MAGI2: variants seen among roughly 807,000 people sequenced by gnomAD.
MAGI2 encodes membrane associated guanylate kinase, WW and PDZ domain containing 2, also known as membrane-associated guanylate kinase, WW and PDZ domain-containing protein 2.
MAGI2 carries 35 observed loss-of-function variants against 133.3 expected under a neutral mutation model. The observed-to-expected ratio is 0.26, with a 90% CI of 0.20 to 0.35. The LOEUF (loss-of-function observed/expected upper bound fraction) is 0.35. MAGI2 is among the 10% of genes least tolerant of loss of function. The pLI is 1.00. For missense variants in MAGI2, 1,636 were observed against 1,863.4 expected (o/e 0.88, Z 2.25); for synonymous variants, 729 against 710.6 (o/e 1.03, Z -0.41).
chr7:78,325,408 G>A (rs1788483143), intron 9 of MAGI2, among the ~76,000 whole-genome samples: 1 of 152,112 alleles, frequency 6.6e-6, no homozygotes, highest in Non-Finnish European at 1.5e-5. Flanking sequence ...TGACTTAAGA[G>A]ATATTAAAGC....
At chr7:78,242,152 G>A (rs750618779) in intron 10 of MAGI2, among the ~76,000 whole-genome samples, 6 of 152,202 alleles carry the variant, frequency 3.9e-5, no homozygotes, top group Non-Finnish European at 7.3e-5. Context: ...CTAGAACTGA[G>A]TTCTGGCCAA....
At chr7:78,382,488 C>T (rs548050382) in intron 6 of MAGI2, among the ~76,000 whole-genome samples, 6 of 152,126 alleles carry the variant, frequency 3.9e-5, no homozygotes, top group Admixed American at 1.3e-4. Context: ...AGGGTTTCAT[C>T]GTACAGCAAC....
chr7:78,647,321 G>C (rs1284033924), intron 2 of MAGI2, among the ~76,000 whole-genome samples: 3 of 152,040 alleles, frequency 2.0e-5, no homozygotes, highest in African/African-American at 7.2e-5. Flanking sequence ...AACCCCATCA[G>C]AAAGTGGGCA....
chr7:78,961,246 G>A (rs528200228), intron 2 of MAGI2, among the ~76,000 whole-genome samples: 3 of 152,064 alleles, frequency 2.0e-5, no homozygotes, highest in Admixed American at 6.6e-5. Flanking sequence ...TTTCCATTAC[G>A]TGATATAAAT....
intron 2 of MAGI2, among the ~76,000 whole-genome samples, chr7:78,992,212 A>G (rs752289448): frequency 7.9e-5 from 12 of 152,022 alleles, no homozygotes; most frequent in African/African-American, 2.4e-4. Context: ...AGTCAGTTGT[A>G]TGTATTCTGT....
intron 1 of MAGI2, among the ~76,000 whole-genome samples, chr7:79,128,369 A>G (rs1251732861): frequency 6.6e-6 from 1 of 152,224 alleles, no homozygotes; most frequent in East Asian, 1.9e-4. Context: ...CAAACAAAGT[A>G]GTGTGTTTTT....
At chr7:78,541,977 T>C (rs537188895) in intron 3 of MAGI2, among the ~76,000 whole-genome samples, 20 of 152,304 alleles carry the variant, frequency 1.3e-4, no homozygotes, top group Admixed American at 1.3e-3. Context: ...GAGTAAATAT[T>C]TTAGGCATTT....
At chr7:79,322,649 A>G (rs10241692) in intron 1 of MAGI2, among the ~76,000 whole-genome samples, 103,044 of 151,684 alleles carry the variant, frequency 0.68, 35,372 homozygotes, top group Non-Finnish European at 0.71. Flanking sequence ...GCCGGGCCAT[A>G]GTTGTGCACG....
At chr7:78,727,832 T>C (rs1437861099) in intron 2 of MAGI2, among the ~76,000 whole-genome samples, 2 of 152,212 alleles carry the variant, frequency 1.3e-5, no homozygotes, top group Non-Finnish European at 2.9e-5. Flanking sequence ...AAGAGGCATA[T>C]ATGGACCAGT....
intron 2 of MAGI2, among the ~76,000 whole-genome samples, chr7:79,002,704 T>C (rs1013964151): frequency 2.0e-5 from 3 of 152,086 alleles, no homozygotes; most frequent in Admixed American, 6.6e-5. Flanking sequence ...TCTCCAAACA[T>C]TTCCATTGAG....
chr7:78,849,395 T>G (rs1256169887), intron 2 of MAGI2, among the ~76,000 whole-genome samples: 1 of 151,758 alleles, frequency 6.6e-6, no homozygotes, highest in African/African-American at 2.4e-5. Flanking sequence ...CAGCAGAGAG[T>G]TGGATACATA....
intron 1 of MAGI2, among the ~76,000 whole-genome samples, chr7:79,120,440 A>T (rs546320735): frequency 1.6e-3 from 246 of 152,164 alleles, no homozygotes; most frequent in Non-Finnish European, 2.7e-3. Context: ...AATATTATTA[A>T]TATTGATTCA....
At chr7:78,229,589 G>C (rs768506753) in intron 10 of MAGI2, among the ~76,000 whole-genome samples, 2 of 152,222 alleles carry the variant, frequency 1.3e-5, no homozygotes, top group African/African-American at 2.4e-5. Context: ...GACAGCCCGT[G>C]GTCCTGCAAG....
At chr7:78,050,114 G>C (rs908576800) in intron 21 of MAGI2, among the ~76,000 whole-genome samples, 4 of 152,170 alleles carry the variant, frequency 2.6e-5, no homozygotes, top group African/African-American at 7.2e-5. Flanking sequence ...TCACCTGGTA[G>C]ATGGTCCAGA....
intron 9 of MAGI2, among the ~76,000 whole-genome samples, chr7:78,287,816 G>T (rs961557297): frequency 6.6e-6 from 1 of 152,076 alleles, no homozygotes; most frequent in Admixed American, 6.6e-5. Context: ...AATATAAGAA[G>T]CTAACCTACT....
rs1819487554 is a variant in MAGI2 at position 79,117,270 on chromosome 7, A to G, written c.302-110064T>C. Among the ~76,000 whole-genome samples the G allele has an allele frequency of 2.6e-5, 4 of 152,288 alleles. No homozygotes were observed. The South Asian group carries it at 8.3e-4, about 32-fold the overall frequency. On this transcript the variant is annotated intron_variant, in intron 1 of 21. Coordinates refer to ENST00000354212, the MANE Select transcript of MAGI2 (RefSeq NM_012301.4). ...AATAAACTGAACTATTTTTGCTGCA[A>G]TATTTTAACATGAAGCTAAAGATTA...
At chr7:79,334,279 G>C (rs904527615) in intron 1 of MAGI2, among the ~76,000 whole-genome samples, 9 of 151,944 alleles carry the variant, frequency 5.9e-5, no homozygotes, top group African/African-American at 2.2e-4. Flanking sequence ...CCAAGTGTCT[G>C]GTATAATACT....
chr7:78,530,714 A>G (rs1223390820), intron 3 of MAGI2, among the ~76,000 whole-genome samples: 3 of 151,420 alleles, frequency 2.0e-5, no homozygotes, highest in East Asian at 3.9e-4. Flanking sequence ...TTCGCACCTC[A>G]TGCTCATAAC....
chr7:78,839,570 A>G (rs918973703), intron 2 of MAGI2, among the ~76,000 whole-genome samples: 3 of 152,042 alleles, frequency 2.0e-5, no homozygotes, highest in African/African-American at 7.2e-5. Flanking sequence ...AACTTAAATC[A>G]TGACAAAAGG....
Sources: gnomAD v4.1 joint callset for allele counts (sites outside exome capture counted in the v4.1 genomes callset) on GRCh38, gnomAD v4.1.1 for gene constraint, MANE v1.5 for transcripts, NCBI Gene and HGNC (gene_info 2026-07-23, HGNC 2026-07-21) for gene names.